The following POLR3B variants were observed in gnomAD, a reference collection of about 807,000 sequenced individuals.
POLR3B encodes DNA-directed RNA polymerase III subunit RPC2.
POLR3B carries 96 observed loss-of-function variants against 147.4 expected under a neutral mutation model. The observed-to-expected ratio is 0.65, with a 90% CI of 0.55 to 0.77. The LOEUF (loss-of-function observed/expected upper bound fraction) is 0.77, where lower values mean the gene tolerates loss of function less well. POLR3B is among the 30% of genes least tolerant of loss of function. POLR3B has a pLI of 0.00. For synonymous variants in POLR3B, 461 were observed against 485.9 expected (o/e 0.95, Z 0.67); for missense variants, 1,036 against 1,413.5 (o/e 0.73, Z 4.28).
intron 12 of POLR3B, among the ~76,000 whole-genome samples, chr12:106,412,622 A>G (rs1190383978): frequency 1.3e-5 from 2 of 152,188 alleles, no homozygotes; most frequent in Non-Finnish European, 2.9e-5. Context: ...GTTTTATCTA[A>G]TATTTCATCC....
At chr12:106,409,043 A>G (rs2037186358) in intron 11 of POLR3B, among the ~76,000 whole-genome samples, 1 of 152,204 alleles carries the variant, frequency 6.6e-6, no homozygotes, top group African/African-American at 2.4e-5. Context: ...GGGAGAATCT[A>G]CTACCAGTGT....
chr12:106,403,011 A>C (rs1451667001), intron 10 of POLR3B, among the ~76,000 whole-genome samples: 1 of 151,774 alleles, frequency 6.6e-6, no homozygotes, highest in African/African-American at 2.4e-5. Flanking sequence ...CTACCATCAG[A>C]GTGAACAGGC....
intron 6 of POLR3B, among the ~76,000 whole-genome samples, chr12:106,375,059 A>G (rs2036659775): frequency 6.6e-6 from 1 of 152,136 alleles, no homozygotes. Flanking sequence ...AAATATCTTT[A>G]TGTTGACCTC....
intron 23 of POLR3B, among the ~76,000 whole-genome samples, chr12:106,483,830 C>T (rs2038302877): frequency 1.3e-5 from 2 of 152,174 alleles, no homozygotes; most frequent in Admixed American, 1.3e-4. Flanking sequence ...GTGGGCCATA[C>T]TGAATGAACA....
intron 19 of POLR3B, among the ~76,000 whole-genome samples, chr12:106,447,078 C>T (rs1042358539): frequency 1.3e-5 from 2 of 152,130 alleles, no homozygotes; most frequent in South Asian, 4.1e-4. Context: ...TGAGCCATTG[C>T]TAAACATTAT....
chr12:106,448,718 G>T (rs184946346), intron 19 of POLR3B, among the ~76,000 whole-genome samples: 1 of 151,816 alleles, frequency 6.6e-6, no homozygotes, highest in African/African-American at 2.4e-5. Flanking sequence ...GGGATTACAG[G>T]TGTGAGCCAC....
intron 27 of POLR3B, among the ~76,000 whole-genome samples, chr12:106,508,795 A>G (rs933394285): frequency 6.6e-6 from 1 of 152,262 alleles, no homozygotes; most frequent in African/African-American, 2.4e-5. Flanking sequence ...ACAAGGGACA[A>G]CATGTTGTAA....
intron 25 of POLR3B, among the ~76,000 whole-genome samples, chr12:106,498,881 C>G (rs1055665981): frequency 1.3e-5 from 2 of 152,186 alleles, no homozygotes; most frequent in Non-Finnish European, 2.9e-5. Context: ...CCACCACGCC[C>G]TAAGGTTTTA....
At chr12:106,497,015 G>A in intron 25 of POLR3B, 97 bp downstream of exon 25, 2 of 1,249,078 alleles carry the variant, frequency 1.6e-6, no homozygotes, top group East Asian at 2.4e-5. Flanking sequence ...TATACCTTCA[G>A]GCAAGCTTGT....
intron 23 of POLR3B, among the ~76,000 whole-genome samples, chr12:106,470,816 T>C (rs2038080683): frequency 6.6e-6 from 1 of 152,096 alleles, no homozygotes; most frequent in South Asian, 2.1e-4. Context: ...TGCTGCCCGA[T>C]CCTTCCTCTG....
chr12:106,369,441 G>T, intron 5 of POLR3B, 91 bp downstream of exon 5: 1 of 952,900 alleles, frequency 1.0e-6, no homozygotes. Flanking sequence ...TTAAAAATGG[G>T]ATGGGGGGGG....
intron 11 of POLR3B, 37 bp from the exon 12 acceptor site, chr12:106,410,789 A>G (rs1593025841): frequency 6.2e-7 from 1 of 1,602,010 alleles, no homozygotes; most frequent in East Asian, 2.2e-5. Flanking sequence ...TTTAATGTCC[A>G]TTTTCTCAAA....
intron 10 of POLR3B, among the ~76,000 whole-genome samples, chr12:106,396,501 A>G (rs948171007): frequency 1.3e-5 from 2 of 152,224 alleles, no homozygotes; most frequent in African/African-American, 4.8e-5. Context: ...AAAGAAAAAG[A>G]TGACGGAATT....
Position 106,496,874 on chromosome 12 carries a change from T to C in POLR3B, c.2940T>C (p.Gly980=), listed in dbSNP as rs1461612376. ...TGTGTGAGGACCTCGTTCGCCATGG[T>C]TATAACTACTTGGGGAAAGACTATG... ...KDVCEDLVRH[G]YNYLGKDYVT... is the part of the protein sequence containing the mutation. The change falls in exon 25 of 28, where the codon GGT becomes GGC. Residue 980 remains glycine (G), a synonymous_variant. Transcript: ENST00000228347. 12 of 1,613,914 alleles carry C rather than the reference T, an allele frequency of 7.4e-6. No homozygotes were observed. Among genetic ancestry groups the C allele is most frequent in the Non-Finnish European group, 9.3e-6 (11 of 1,179,990 alleles).
At chr12:106,369,234 T>C in intron 4 of POLR3B, 41 bp from the exon 5 acceptor site, 2 of 1,024,708 alleles carry the variant, frequency 2.0e-6, no homozygotes, top group African/African-American at 1.6e-5. Flanking sequence ...TTTATGATCT[T>C]CGAAGAAGTA....
chr12:106,495,592 T>C (rs956640845), intron 23 of POLR3B, among the ~76,000 whole-genome samples: 2 of 152,192 alleles, frequency 1.3e-5, no homozygotes, highest in Non-Finnish European at 2.9e-5. Flanking sequence ...TCAAACCACA[T>C]TGTAAGCACA....
Position 106,492,306 on chromosome 12 carries a change from C to T in POLR3B, c.2714-3749C>T, listed in dbSNP as rs556769421. The stretch of plus-strand genomic sequence containing the variant: ...TTTAAGCCAGGCATGGTGGCTCACA[C>T]CTTTAATCCCAGCCCTTTGACTTGA... On this transcript the variant is annotated intron_variant, in intron 23 of 27. Coordinates refer to ENST00000228347, the MANE Select transcript of POLR3B (RefSeq NM_018082.6). Among the ~76,000 whole-genome samples the T allele has an allele frequency of 3.9e-5, 6 of 152,222 alleles. No homozygotes were observed. The South Asian group carries it at 1.2e-3, about 32-fold the overall frequency.
chr12:106,491,402 C>T (rs935640630), intron 23 of POLR3B, among the ~76,000 whole-genome samples: 48 of 152,270 alleles, frequency 3.2e-4, no homozygotes, highest in African/African-American at 9.9e-4. Context: ...TTTTTACAGA[C>T]GGCATTTCCC....
chr12:106,450,821 C>T (rs2037785056), intron 19 of POLR3B, among the ~76,000 whole-genome samples: 1 of 152,078 alleles, frequency 6.6e-6, no homozygotes, highest in Non-Finnish European at 1.5e-5. Context: ...TGCCAAACAA[C>T]CCAGAAATTG....
Sources: allele counts gnomAD v4.1 joint callset (sites outside exome capture counted in the v4.1 genomes callset), GRCh38; gene constraint gnomAD v4.1.1; transcripts MANE v1.5; gene names NCBI Gene and HGNC (gene_info 2026-07-23, HGNC 2026-07-21).